TLL2: variants seen among roughly 807,000 people sequenced by gnomAD.
TLL2 encodes tolloid like 2.
A neutral mutation model predicts 123.0 loss-of-function variants in TLL2; 106 were observed. The observed-to-expected ratio is 0.86, with a 90% CI of 0.74 to 1.01. TLL2 has a LOEUF of 1.01. Ranked by LOEUF, TLL2 falls within the 50% of genes least tolerant of loss-of-function variation. The pLI, the probability that TLL2 is intolerant of heterozygous loss-of-function variation, is 0.00. For synonymous variants in TLL2, 494 were observed against 516.8 expected (o/e 0.96, Z 0.60); for missense variants, 1,332 against 1,336.7 (o/e 1.00, Z 0.06).
At chr10:96,400,880 C>A (rs1158148837) in intron 10 of TLL2, among the ~76,000 whole-genome samples, 1 of 152,188 alleles carries the variant, frequency 6.6e-6, no homozygotes, top group African/African-American at 2.4e-5. Context: ...TCTTTAGGTG[C>A]AATATCATAA....
chr10:96,449,264 A>AC (rs1284994404), intron 2 of TLL2, among the ~76,000 whole-genome samples: 1 of 152,066 alleles, frequency 6.6e-6, no homozygotes, highest in Non-Finnish European at 1.5e-5. Context: ...GTCCTGTCTG[A>AC]CCCCCAAGCC....
intron 13 of TLL2, among the ~76,000 whole-genome samples, 191 bp downstream of exon 13, chr10:96,394,996 G>T (rs932713521): frequency 6.6e-6 from 1 of 152,222 alleles, no homozygotes; most frequent in Non-Finnish European, 1.5e-5. Flanking sequence ...TGGAAGCCAA[G>T]GCTGAGCCTG....
At chr10:96,421,300 C>A (rs543327128) in intron 6 of TLL2, among the ~76,000 whole-genome samples, 66 of 152,300 alleles carry the variant, frequency 4.3e-4, no homozygotes, top group African/African-American at 1.5e-3. Flanking sequence ...CCACTCAAAC[C>A]TCTTAAAGTA....
chr10:96,380,692 C>CAA (rs57395382), intron 16 of TLL2, among the ~76,000 whole-genome samples: 16 of 53,102 alleles, frequency 3.0e-4, no homozygotes, highest in Non-Finnish European at 4.0e-4. Context: ...GACTCTATCT[C>CAA]AAAAAAAAAA....
chr10:96,375,069 G>T (rs1232790304), intron 18 of TLL2, among the ~76,000 whole-genome samples: 1 of 151,694 alleles, frequency 6.6e-6, no homozygotes, highest in African/African-American at 2.4e-5. Flanking sequence ...GCTTTCAGAA[G>T]AATGACTCCC....
In TLL2 at chr10:96,368,139, A is replaced by G. The variant is rs1401115413; in HGVS notation, c.2997T>C (p.His999=). The G allele has an allele frequency of 2.5e-6, 4 of 1,614,134 alleles. No individual in the cohort carries two copies. Among genetic ancestry groups the G allele is most frequent in the Admixed American group, 3.3e-5 (2 of 60,016 alleles). ...GGAACTTGGTGCTGGTGTATCGGGC[A>G]TGAAAGCCTTTCTTGTTGATGGTGT... ...TDDTINKKGF[H]ARYTSTKFQD... is the part of the protein sequence containing the mutation. The change falls in exon 21 of 21, where the codon CAT becomes CAC. Residue 999 remains histidine (H), a synonymous_variant. Coordinates refer to ENST00000357947, the MANE Select transcript of TLL2 (RefSeq NM_012465.4).
Position 96,433,041 on chromosome 10 carries a change from ATTCC to A in TLL2, c.365-83_365-80del. ...TATGGCTGAGGTTGTATTATCCACA[ATTCC>A]AAAAAGGGGGTGTTAAAACATGTTC... On this transcript the variant is annotated intron_variant, in intron 3 of 20. Transcript: ENST00000357947. The A allele has an allele frequency of 1.0e-5, 16 of 1,546,536 alleles. No individual in the cohort carries two copies. The Admixed American group carries it at 1.6e-4, about 16-fold the overall frequency.
At chr10:96,490,260 C>G (rs188740533) in intron 1 of TLL2, among the ~76,000 whole-genome samples, 1 of 152,242 alleles carries the variant, frequency 6.6e-6, no homozygotes, top group East Asian at 1.9e-4. Context: ...AGTAAAGAAC[C>G]GTTAACTCTT....
intron 2 of TLL2, among the ~76,000 whole-genome samples, chr10:96,471,586 C>T (rs527614271): frequency 5.8e-4 from 88 of 152,284 alleles, no homozygotes; most frequent in South Asian, 1.2e-3. Context: ...TGGTGTCAGA[C>T]GCTGGAATAA....
chr10:96,438,731 CT>C (rs896650649), intron 3 of TLL2, among the ~76,000 whole-genome samples: 1 of 152,188 alleles, frequency 6.6e-6, no homozygotes, highest in African/African-American at 2.4e-5. Context: ...TTGCCTTGTT[CT>C]TGGTCTTGGG....
intron 16 of TLL2, 127 bp downstream of exon 16, chr10:96,384,460 G>A (rs1378013874): frequency 2.0e-6 from 2 of 975,648 alleles, no homozygotes; most frequent in Admixed American, 6.1e-5. Context: ...CCCCTCCAAG[G>A]CAGCCATACC....
chr10:96,379,764 G>A (rs1345922183), intron 16 of TLL2, among the ~76,000 whole-genome samples: 2 of 152,254 alleles, frequency 1.3e-5, no homozygotes, highest in Non-Finnish European at 1.5e-5. Flanking sequence ...AGAGGTTGCA[G>A]TGAGCAGAGA....
chr10:96,478,159 G>A (rs1030898810), intron 2 of TLL2, among the ~76,000 whole-genome samples: 5 of 152,328 alleles, frequency 3.3e-5, no homozygotes, highest in African/African-American at 9.6e-5. Context: ...TGCAGCTGGC[G>A]TGGTGGCTGG....
intron 13 of TLL2, among the ~76,000 whole-genome samples, chr10:96,387,976 G>A (rs1295150472): frequency 2.0e-5 from 3 of 152,222 alleles, no homozygotes; most frequent in Non-Finnish European, 4.4e-5. Flanking sequence ...CGAGAAAGGA[G>A]TCTAGTGAAG....
At position 96,366,566 on chromosome 10, in the gene TLL2, A is replaced by C. The variant is rs1345988429; in HGVS notation, c.*1522T>G. The C allele has an allele frequency of 6.6e-6, 1 of 152,612 alleles. No individual in the cohort carries two copies. Among genetic ancestry groups the C allele is most frequent in the Non-Finnish European group, 1.5e-5 (1 of 68,046 alleles). The allele number at this position is 152,612 out of a possible 1,614,324, so 9.5% of individuals were successfully genotyped here. A position where few individuals can be genotyped will look rare whatever the true frequency, so the allele number is the denominator to read the frequency against. Reference sequence around the variant, plus strand: ...ATTCTAGTTTTTGCTCCCAGCAATCACTTTAATGAGACACAGTCCTCTGGT... The same window carrying C: ...ATTCTAGTTTTTGCTCCCAGCAATCCCTTTAATGAGACACAGTCCTCTGGT... On this transcript the variant is annotated 3_prime_UTR_variant, in exon 21 of 21. Coordinates refer to ENST00000357947, the MANE Select transcript of TLL2 (RefSeq NM_012465.4).
chr10:96,427,901 T>C (rs1846694547), intron 5 of TLL2, among the ~76,000 whole-genome samples: 1 of 152,216 alleles, frequency 6.6e-6, no homozygotes, highest in Non-Finnish European at 1.5e-5. Flanking sequence ...TCCAAGCGAT[T>C]CTCCTGTCTC....
At chr10:96,430,873 C>A (rs1015128358) in intron 4 of TLL2, among the ~76,000 whole-genome samples, 1 of 152,088 alleles carries the variant, frequency 6.6e-6, no homozygotes, top group Non-Finnish European at 1.5e-5. Flanking sequence ...CAGAGTAAGA[C>A]CCTGTCTCAA....
chr10:96,399,146 C>A (rs1233095445), intron 10 of TLL2, among the ~76,000 whole-genome samples: 1 of 152,130 alleles, frequency 6.6e-6, no homozygotes, highest in Non-Finnish European at 1.5e-5. Flanking sequence ...GCTGGGTTTA[C>A]AGGCATGAGC....
chr10:96,452,234 G>T (rs1846967930), intron 2 of TLL2, among the ~76,000 whole-genome samples: 1 of 152,150 alleles, frequency 6.6e-6, no homozygotes, highest in Admixed American at 6.5e-5. Flanking sequence ...TGGGGGATGG[G>T]AGTCCTAGGA....
Sources: allele counts gnomAD v4.1 joint callset (sites outside exome capture counted in the v4.1 genomes callset), GRCh38; gene constraint gnomAD v4.1.1; transcripts MANE v1.5; gene names NCBI Gene and HGNC (gene_info 2026-07-23, HGNC 2026-07-21).